ARHGAP35: variants seen among roughly 807,000 people sequenced by gnomAD.
ARHGAP35 encodes the protein Rho GTPase activating protein 35.
Under a neutral mutation model 111.1 loss-of-function variants are expected in ARHGAP35, and 15 were observed. The observed-to-expected ratio is 0.13, with a 90% CI of 0.09 to 0.21. The LOEUF (loss-of-function observed/expected upper bound fraction) is 0.21. Among genes scored for constraint, ARHGAP35 ranks in the 10% least tolerant of loss-of-function variants. The pLI is 1.00. For synonymous variants in ARHGAP35, 643 were observed against 710.3 expected (o/e 0.91, Z 1.51); for missense variants, 1,262 against 1,873.0 (o/e 0.67, Z 6.02).
At chr19:46,900,224 T>TTG (rs2056077732) in intron 1 of ARHGAP35, among the ~76,000 whole-genome samples, 1 of 145,220 alleles carries the variant, frequency 6.9e-6, no homozygotes, top group African/African-American at 2.6e-5. Flanking sequence ...TTTTTTGGGT[T>TTG]TTTTTTTTTT....
At chr19:46,895,348 T>C (rs1003346263) in intron 1 of ARHGAP35, among the ~76,000 whole-genome samples, 3 of 152,078 alleles carry the variant, frequency 2.0e-5, no homozygotes, top group African/African-American at 7.2e-5. Context: ...GTATTGTTAG[T>C]AGAGGCGGGG....
At chr19:46,934,321 C>CTGGTTGCA (rs1489385937) in intron 2 of ARHGAP35, among the ~76,000 whole-genome samples, 1 of 152,186 alleles carries the variant, frequency 6.6e-6, no homozygotes. Context: ...TCATTGTTAT[C>CTGGTTGCA]TGGTTGCAAC....
Position 47,000,185 on chromosome 19 carries a change from G to T in ARHGAP35, c.4143-146G>T. ...CTGAGGGCGCAGCCTCCCAGGCAGG[G>T]CAGGGTACAGAGAGCTGCGCATGGC... On this transcript the variant is annotated intron_variant, in intron 6 of 6. Transcript: ENST00000672722. This position sits in a 1 kb window ranked among gnomAD's most constrained non-coding sequence, Gnocchi z 6.9. 1.2e-6 allele frequency: 1 copy of T among 843,032 alleles called. No homozygotes were observed. 52.2% of individuals were successfully genotyped at this position (843,032 alleles called of 1,614,324 possible). A position where few individuals can be genotyped will look rare whatever the true frequency, so the allele number is the denominator to read the frequency against.
At chr19:46,973,580 A>AGGGAGG (rs2056563686) in intron 3 of ARHGAP35, among the ~76,000 whole-genome samples, 1 of 151,612 alleles carries the variant, frequency 6.6e-6, no homozygotes, top group Non-Finnish European at 1.5e-5. Flanking sequence ...AGTCCCAGCT[A>AGGGAGG]CTCGGGAGGC....
At chr19:46,961,339 T>C (rs1174770169) in intron 3 of ARHGAP35, among the ~76,000 whole-genome samples, 1 of 152,200 alleles carries the variant, frequency 6.6e-6, no homozygotes, top group Non-Finnish European at 1.5e-5. Flanking sequence ...AATACATCTA[T>C]AGGATAGATA....
rs1191501117 is a variant in ARHGAP35, at chr19:46,922,555, A to G, written c.3681+199A>G. 6.6e-6 allele frequency among the ~76,000 whole-genome samples: 1 copy of G among 152,098 alleles called. No homozygotes were observed. The highest frequency in any genetic ancestry group is 1.5e-5 in the Non-Finnish European group (1 of 68,018). The stretch of plus-strand genomic sequence containing the variant: ...CTCAAGTAGTTAGGACTTTGGATAG[A>G]TAGTCTGAGTTGTTGTTGCCTAAAA... On this transcript the variant is annotated intron_variant, in intron 2 of 6. Transcript: ENST00000672722. This position sits in a 1 kb window ranked among gnomAD's most constrained non-coding sequence, Gnocchi z 4.0.
chr19:46,889,068 C>T (rs58003694), intron 1 of ARHGAP35, among the ~76,000 whole-genome samples: 3,043 of 152,186 alleles, frequency 0.02, 107 homozygotes, highest in African/African-American at 0.068. Context: ...CCTGTAACCC[C>T]TGCACTTTGG....
chr19:46,881,726 A>G (rs2055963355), intron 1 of ARHGAP35, among the ~76,000 whole-genome samples: 1 of 152,200 alleles, frequency 6.6e-6, no homozygotes, highest in African/African-American at 2.4e-5. Context: ...TACTAGCTGC[A>G]TTTGTCTCTA....
intron 2 of ARHGAP35, among the ~76,000 whole-genome samples, chr19:46,923,953 G>A (rs311380): frequency 0.63 from 94,726 of 150,892 alleles, 30,367 homozygotes; most frequent in Middle Eastern, 0.79. Flanking sequence ...AAAAAAATGT[G>A]TATATATATA....
intron 2 of ARHGAP35, among the ~76,000 whole-genome samples, chr19:46,935,533 T>C (rs938638407): frequency 6.6e-6 from 1 of 152,190 alleles, no homozygotes; most frequent in South Asian, 2.1e-4. Context: ...GGAACGAAGA[T>C]GGGCAGGAGA....
intron 3 of ARHGAP35, among the ~76,000 whole-genome samples, chr19:46,980,312 G>A (rs1184141910): frequency 6.6e-6 from 1 of 152,168 alleles, no homozygotes; most frequent in African/African-American, 2.4e-5. Flanking sequence ...TGGAACCCGG[G>A]AAGCGGAGGT....
Position 46,920,787 on chromosome 19 carries a change from C to T in ARHGAP35, c.2112C>T (p.Asn704=). ...VHLPLTLILV[N]KRGDTSGETL... ...TCCCCCTTACATTAATTTTGGTTAA[C>T]AAGAGAGGAGACACCAGTGGAGAGA... Residue 704 remains asparagine, a synonymous_variant, in exon 2 of 7, where the codon AAC becomes AAT. Transcript: ENST00000672722. This position sits in a 1 kb window ranked among gnomAD's most constrained non-coding sequence, Gnocchi z 7.0. The T allele has an allele frequency of 6.2e-7, 1 of 1,609,112 alleles. No homozygotes were observed. Among genetic ancestry groups the T allele is most frequent in the Non-Finnish European group, 8.5e-7 (1 of 1,177,452 alleles).
At chr19:46,965,781 G>A (rs1027663483) in intron 3 of ARHGAP35, among the ~76,000 whole-genome samples, 4 of 152,074 alleles carry the variant, frequency 2.6e-5, no homozygotes, top group South Asian at 2.1e-4. Flanking sequence ...TGCTGCACTC[G>A]GCCTGGATTA....
chr19:46,899,331 G>C (rs201182119), intron 1 of ARHGAP35, among the ~76,000 whole-genome samples: 1 of 152,170 alleles, frequency 6.6e-6, no homozygotes. Flanking sequence ...TTGAAGGATA[G>C]CTAGAAATGA....
chr19:46,886,530 G>A (rs532766202), intron 1 of ARHGAP35, among the ~76,000 whole-genome samples: 53 of 152,112 alleles, frequency 3.5e-4, no homozygotes, highest in African/African-American at 1.3e-3. Context: ...AGGGAAAACC[G>A]TTGTTAATAG....
At chr19:46,900,676 G>T (rs893642075) in intron 1 of ARHGAP35, among the ~76,000 whole-genome samples, 1 of 152,132 alleles carries the variant, frequency 6.6e-6, no homozygotes, top group African/African-American at 2.4e-5. Context: ...AGCAGTGTGT[G>T]TGGTGCTGAG....
chr19:46,914,976 C>T (rs1371030894), intron 1 of ARHGAP35, among the ~76,000 whole-genome samples: 1 of 152,162 alleles, frequency 6.6e-6, no homozygotes, highest in Non-Finnish European at 1.5e-5. Context: ...ACCTGACAGA[C>T]CCTGGGGTCA....
rs745839536 is a variant in ARHGAP35 at position 46,945,009 on chromosome 19, C to G, written c.3826+7601C>G. Among the ~76,000 whole-genome samples the G allele has an allele frequency of 6.6e-6, 1 of 152,130 alleles. No individual in the cohort carries two copies. Among genetic ancestry groups the G allele is most frequent in the Non-Finnish European group, 1.5e-5 (1 of 68,024 alleles). ...CAGCTTTCAGATTGATCTGCAGATG[C>G]TTTTAGGACAGCCCAGCCCCGGACA... On this transcript the variant is annotated intron_variant, in intron 3 of 6. Coordinates refer to ENST00000672722, the MANE Select transcript of ARHGAP35 (RefSeq NM_004491.5). The surrounding 1 kb of genome is among the most constrained non-coding windows in gnomAD (Gnocchi z 4.1).
intron 1 of ARHGAP35, among the ~76,000 whole-genome samples, chr19:46,867,004 C>T (rs1287525270): frequency 6.6e-6 from 1 of 152,110 alleles, no homozygotes; most frequent in African/African-American, 2.4e-5. Context: ...TGTTCATCTT[C>T]CCAAAACTTT....
Sources: allele counts gnomAD v4.1 joint callset (sites outside exome capture counted in the v4.1 genomes callset), GRCh38; gene constraint gnomAD v4.1.1; non-coding constraint Gnocchi (gnomAD v3.1); transcripts MANE v1.5; gene names NCBI Gene and HGNC (gene_info 2026-07-23, HGNC 2026-07-21).